The following COL6A2 variants were observed in gnomAD, a reference collection of about 807,000 sequenced individuals.
COL6A2 encodes collagen type VI alpha 2 chain, also known as collagen alpha-2(VI) chain.
A neutral mutation model predicts 124.9 loss-of-function variants in COL6A2; 90 were observed. The observed-to-expected ratio is 0.72, with a 90% confidence interval of 0.61 to 0.86. The LOEUF (loss-of-function observed/expected upper bound fraction) is 0.86, where lower values mean the gene tolerates loss of function less well. Among genes scored for constraint, COL6A2 ranks in the 40% least tolerant of loss-of-function variants. The probability of loss-of-function intolerance (pLI) is 0.00; values close to 1 mark genes in which losing one functional copy is unlikely to be tolerated. For missense variants in COL6A2, 1,607 were observed against 1,502.5 expected, an observed-to-expected ratio of 1.07 and a Z score of -1.15; for synonymous variants, 793 against 618.2, an observed-to-expected ratio of 1.28 and a Z score of -4.19.
intron 1 of COL6A2, among the ~76,000 whole-genome samples, chr21:46,104,393 T>G (rs1188107712): frequency 6.6e-6 from 1 of 152,108 alleles, no homozygotes; most frequent in Non-Finnish European, 1.5e-5. Flanking sequence ...AACTGAAATT[T>G]AAAATTCACT....
At chr21:46,111,097 G>A (rs1357150235) in intron 1 of COL6A2, among the ~76,000 whole-genome samples, 7 of 152,208 alleles carry the variant, frequency 4.6e-5, no homozygotes, top group Admixed American at 4.6e-4. Flanking sequence ...GCCCCAGGCA[G>A]TGGGGGGCGC....
intron 27 of COL6A2, chr21:46,129,019 C>A (rs2078718655): frequency 6.2e-7 from 1 of 1,603,870 alleles, no homozygotes; most frequent in Middle Eastern, 1.7e-4. Flanking sequence ...GTGCTCACTG[C>A]CCCCACGCCT....
At chr21:46,112,618 G>A (rs1237853780) in intron 3 of COL6A2, 41 bp downstream of exon 3, 5 of 1,605,500 alleles carry the variant, frequency 3.1e-6, no homozygotes, top group Non-Finnish European at 4.3e-6. Context: ...GCCAGGGGTG[G>A]CCACGGTGGG....
intron 1 of COL6A2, among the ~76,000 whole-genome samples, chr21:46,103,082 A>T (rs896968871): frequency 1.3e-5 from 2 of 152,230 alleles, no homozygotes; most frequent in South Asian, 4.1e-4. Flanking sequence ...TTGAGTATTG[A>T]TTCAATCTCC....
Position 46,120,631 on chromosome 21 carries a change from GGGGGCTGCACCCCAAGGTAGGGTGGCC to G in COL6A2, c.1395+58_1395+84del, listed in dbSNP as rs1276249021. On this transcript the variant is annotated intron_variant, in intron 16 of 27. Coordinates refer to ENST00000300527, the MANE Select transcript of COL6A2 (RefSeq NM_001849.4). ...AGGTAGGGGATCTGAGGGGGTGCAG[GGGGGCTGCACCCCAAGGTAGGGTGGCC>G]GGGACTGCACCCCAAGGTAGGGGAC... 122 of 1,397,796 alleles carry G rather than the reference GGGGGCTGCACCCCAAGGTAGGGTGGCC, an allele frequency of 8.7e-5. 3 individuals are homozygous for G. The South Asian group carries it at 1.4e-3, about 16-fold the overall frequency. 86.6% of individuals were successfully genotyped at this position (1,397,796 alleles called of 1,614,324 possible).
intron 13 of COL6A2, 48 bp downstream of exon 13, chr21:46,118,724 G>A (rs368474878): frequency 8.3e-5 from 130 of 1,570,424 alleles, no homozygotes; most frequent in African/African-American, 1.6e-4. Context: ...CCACACTCAC[G>A]CCCATGGCCC....
At position 46,120,590 on chromosome 21, in the gene COL6A2, G is replaced by A; in HGVS notation, c.1395+13G>A. The A allele has an allele frequency of 1.4e-6, 2 of 1,456,068 alleles. No homozygotes were observed. Among genetic ancestry groups the A allele is most frequent in the Non-Finnish European group, 9.1e-7 (1 of 1,103,302 alleles). 90.2% of individuals were successfully genotyped at this position (1,456,068 alleles called of 1,614,324 possible). A position where few individuals can be genotyped will look rare whatever the true frequency, so the allele number is the denominator to read the frequency against. On this transcript the variant is annotated intron_variant, in intron 16 of 27. Transcript: ENST00000300527. The stretch of plus-strand genomic sequence containing the variant: ...CAAAGGAGCCAAGGTAGGGGAGCAG[G>A]GTGGGCCGCACCCCAAGGTAGGGGA...
At chr21:46,110,444 G>T (rs1240264835) in intron 1 of COL6A2, among the ~76,000 whole-genome samples, 1 of 152,184 alleles carries the variant, frequency 6.6e-6, no homozygotes, top group Non-Finnish European at 1.5e-5. Context: ...AGCATGAAGT[G>T]CTTGTCCTTG....
rs764950023 is a variant in COL6A2 at position 46,116,750 on chromosome 21, C to G, written c.955-20C>G. The G allele has an allele frequency of 2.5e-6, 4 of 1,613,124 alleles. No homozygotes were observed. In the East Asian group the frequency reaches 8.9e-5, roughly 36 times the overall value. On this transcript the variant is annotated intron_variant, in intron 9 of 27. Transcript: ENST00000300527. This position sits in a 1 kb window ranked among gnomAD's most constrained non-coding sequence, Gnocchi z 4.6. The stretch of plus-strand genomic sequence containing the variant: ...AGAAGGACCGGGGCTAATGGAGTTC[C>G]CTCTTCCTTCTCTCTTCAGGGGGCC...
intron 21 of COL6A2, 41 bp downstream of exon 21, chr21:46,122,978 G>A: frequency 6.3e-7 from 1 of 1,583,580 alleles, no homozygotes; most frequent in Non-Finnish European, 8.7e-7. Flanking sequence ...GCTGGGCAGA[G>A]GCAGGGAGGG....
chr21:46,122,050 G>GC, intron 18 of COL6A2, 58 bp from the exon 19 acceptor site: 3 of 1,573,416 alleles, frequency 1.9e-6, no homozygotes, highest in African/African-American at 1.3e-5. Context: ...GTTGAGCACA[G>GC]CCCCCCAGCC....
At chr21:46,110,345 TTTTTATCAAGC>T (rs1311563016) in intron 1 of COL6A2, among the ~76,000 whole-genome samples, 2 of 152,332 alleles carry the variant, frequency 1.3e-5, no homozygotes, top group Admixed American at 1.3e-4. Context: ...GGGACTTTTT[TTTTTATCAAGC>T]TTTGGTCACA....
At chr21:46,119,749 C>T (rs1601233719) in intron 14 of COL6A2, 39 bp from the exon 15 acceptor site, 1 of 1,542,880 alleles carries the variant, frequency 6.5e-7, no homozygotes, top group Non-Finnish European at 8.8e-7. Context: ...TGGGCTTGGA[C>T]TCAGCCCCCT....
Position 46,132,751 on chromosome 21 carries a change from G to A in COL6A2, c.*199G>A. ...GGTCTCCCCAGGCCCTCCGCAGGCTGCCCGGCCTCCCTCCCCCTGCAGCCA... is the reference window on the plus strand; with the variant it reads ...GGTCTCCCCAGGCCCTCCGCAGGCTACCCGGCCTCCCTCCCCCTGCAGCCA... On this transcript the variant is annotated 3_prime_UTR_variant, in exon 28 of 28. Transcript: ENST00000300527. 6.5e-6 allele frequency: 4 copies of A among 611,078 alleles called. No homozygotes were observed. In the Admixed American group the frequency reaches 8.8e-5, roughly 13 times the overall value. 37.9% of individuals were successfully genotyped at this position (611,078 alleles called of 1,614,324 possible). A position where few individuals can be genotyped will look rare whatever the true frequency, so the allele number is the denominator to read the frequency against.
Position 46,132,767 on chromosome 21 carries a change from C to G in COL6A2, c.*215C>G. ...CCGCAGGCTGCCCGGCCTCCCTCCC[C>G]CTGCAGCCATCCCAAGGCTCCTGAC... On this transcript the variant is annotated 3_prime_UTR_variant, in exon 28 of 28. Transcript: ENST00000300527. The G allele has an allele frequency of 3.3e-6, 2 of 597,044 alleles. No individual in the cohort carries two copies. The highest frequency in any genetic ancestry group is 3.9e-5 in the South Asian group (2 of 50,652). The allele number at this position is 597,044 out of a possible 1,614,324, so 37.0% of individuals were successfully genotyped here.
chr21:46,117,473 C>G lies in COL6A2; in HGVS notation c.1053+20C>G, dbSNP rs2078490456. On this transcript the variant is annotated intron_variant, in intron 11 of 27. Coordinates refer to ENST00000300527, the MANE Select transcript of COL6A2 (RefSeq NM_001849.4). ...AACCGGGTAAGGGCCGTTTGCACCC[C>G]TCCTTCAGCCTCGGCCCAGGGGGTG... is the stretch of plus-strand genomic sequence containing the variant. 6.2e-7 allele frequency: 1 copy of G among 1,611,750 alleles called. No homozygotes were observed. The highest frequency in any genetic ancestry group is 8.5e-7 in the Non-Finnish European group (1 of 1,179,246).
intron 5 of COL6A2, 36 bp downstream of exon 5, chr21:46,114,109 C>G: frequency 6.5e-7 from 1 of 1,548,086 alleles, no homozygotes; most frequent in Non-Finnish European, 8.9e-7. Context: ...GTCTGCGCTA[C>G]CAGGAAGCCC....
chr21:46,131,888 G>C, intron 27 of COL6A2, 66 bp from the exon 28 acceptor site: 1 of 1,438,452 alleles, frequency 7.0e-7, no homozygotes, highest in South Asian at 1.2e-5. Context: ...CACAGGTGCG[G>C]GGCTGGCACC....
Position 46,132,846 on chromosome 21 carries a change from C to A in COL6A2, c.*294C>A. The A allele has an allele frequency of 4.0e-6, 2 of 498,396 alleles. No individual in the cohort carries two copies. Among genetic ancestry groups the A allele is most frequent in the Non-Finnish European group, 7.3e-6 (2 of 273,384 alleles). The allele number at this position is 498,396 out of a possible 1,614,324, so 30.9% of individuals were successfully genotyped here. ...CCCTGACCCAATAAAGGCTTTGAAC[C>A]CATTGCGTGCCTGCTTGCGAGCTTC... On this transcript the variant is annotated 3_prime_UTR_variant, in exon 28 of 28. Coordinates refer to ENST00000300527, the MANE Select transcript of COL6A2 (RefSeq NM_001849.4).
Sources: allele counts gnomAD v4.1 joint callset (sites outside exome capture counted in the v4.1 genomes callset), GRCh38; gene constraint gnomAD v4.1.1; non-coding constraint Gnocchi (gnomAD v3.1); transcripts MANE v1.5; gene names NCBI Gene and HGNC (gene_info 2026-07-23, HGNC 2026-07-21).